Variants in ADAM17 observed in about 807,000 individuals in gnomAD.
The protein encoded by ADAM17 is disintegrin and metalloproteinase domain-containing protein 17.
In ADAM17, 39 loss-of-function variants were observed where a neutral mutation model predicts 96.7. That is an observed-to-expected ratio of 0.40 (90% CI 0.31 to 0.53). ADAM17 has a LOEUF of 0.53. Ranked by LOEUF, ADAM17 falls within the 20% of genes least tolerant of loss-of-function variation. The probability of loss-of-function intolerance (pLI) is 0.44; values close to 1 mark genes in which losing one functional copy is unlikely to be tolerated. For synonymous variants in ADAM17, 344 were observed against 359.2 expected, an observed-to-expected ratio of 0.96 and a Z score of 0.48; for missense variants, 777 against 1,013.2, an observed-to-expected ratio of 0.77 and a Z score of 3.17.
chr2:9,490,651 G>T, intron 18 of ADAM17, 133 bp from the exon 19 acceptor site: 2 of 949,736 alleles, frequency 2.1e-6, no homozygotes, highest in East Asian at 2.6e-5. Context: ...TGCTAGGTGA[G>T]GCTCACTCAA....
At chr2:9,512,330 A>G (rs1317450613) in intron 10 of ADAM17, 1 of 152,162 alleles carries the variant, frequency 6.6e-6, no homozygotes, top group African/African-American at 2.4e-5. Context: ...AAAGTTCTGG[A>G]AGACCAAAGA....
chr2:9,519,166 T>C (rs1296820874), intron 8 of ADAM17, among the ~76,000 whole-genome samples: 2 of 152,188 alleles, frequency 1.3e-5, no homozygotes, highest in African/African-American at 2.4e-5. Context: ...CCCAAAGTGC[T>C]GGGATTACAG....
At chr2:9,506,617 G>A (rs532362995) in intron 11 of ADAM17, among the ~76,000 whole-genome samples, 2 of 152,074 alleles carry the variant, frequency 1.3e-5, no homozygotes, top group South Asian at 2.1e-4. Context: ...TGCCCACCTC[G>A]GTCTCCAAAG....
chr2:9,489,988 T>TC lies in ADAM17; in HGVS notation c.*188dup. The stretch of plus-strand genomic sequence containing the variant: ...GCCTCAAAATAAGCTAGATTCACCT[T>TC]CACCTTACCTTTTCAAAAGGAGAAG... On this transcript the variant is annotated 3_prime_UTR_variant, in exon 19 of 19. Coordinates refer to ENST00000310823, the MANE Select transcript of ADAM17 (RefSeq NM_003183.6). 1 of 533,406 alleles carries TC rather than the reference T, an allele frequency of 1.9e-6. No individual in the cohort carries two copies. The highest frequency in any genetic ancestry group is 3.8e-5 in the South Asian group (1 of 26,424). 33.0% of individuals were successfully genotyped at this position (533,406 alleles called of 1,614,324 possible).
chr2:9,509,237 A>C (rs1213070541), intron 11 of ADAM17, among the ~76,000 whole-genome samples: 2 of 152,236 alleles, frequency 1.3e-5, no homozygotes, highest in Admixed American at 1.3e-4. Context: ...CAGCAGTGCA[A>C]CTATTGTTTT....
At chr2:9,523,901 G>A (rs963628766) in intron 6 of ADAM17, among the ~76,000 whole-genome samples, 9 of 150,490 alleles carry the variant, frequency 6.0e-5, no homozygotes, top group African/African-American at 2.2e-4. Flanking sequence ...CAAGAGACAA[G>A]GTCTTGCTCT....
At chr2:9,523,019 C>T (rs1477001075) in intron 7 of ADAM17, among the ~76,000 whole-genome samples, 1 of 152,140 alleles carries the variant, frequency 6.6e-6, no homozygotes, top group African/African-American at 2.4e-5. Flanking sequence ...GAACAAAGCA[C>T]AGCAGCATAA....
rs1234369493 is a variant in ADAM17, at chr2:9,520,988, G to GAAA, written c.957+214_957+215insTTT. Among the ~76,000 whole-genome samples, 69 of 112,074 alleles carry GAAA rather than the reference G, an allele frequency of 6.2e-4. 3 individuals carry two copies. Among genetic ancestry groups the GAAA allele is most frequent in the African/African-American group, 1.1e-3 (33 of 30,414 alleles). 73.5% of individuals were successfully genotyped at this position (112,074 alleles called of 152,430 possible). ...TCAAAAAAAAAAAAAAAAAAAAAAG[G>GAAA]AAGCATTGCTTTATAGCGTTTTTCT... On this transcript the variant is annotated intron_variant, in intron 8 of 18. Transcript: ENST00000310823.
At chr2:9,555,370 CCTT>C (rs1665709265) in intron 1 of ADAM17, 136 bp downstream of exon 1, 1 of 642,910 alleles carries the variant, frequency 1.6e-6, no homozygotes, top group Non-Finnish European at 2.5e-6. Flanking sequence ...AGCCACACCC[CCTT>C]CTACACTGAA....
At chr2:9,503,118 C>T (rs562341470) in intron 12 of ADAM17, among the ~76,000 whole-genome samples, 8 of 123,692 alleles carry the variant, frequency 6.5e-5, no homozygotes, top group African/African-American at 2.6e-4. Context: ...CCAGCCTGGT[C>T]AACAGGGCGA....
At chr2:9,523,890 T>G (rs909100117) in intron 6 of ADAM17, among the ~76,000 whole-genome samples, 6 of 151,892 alleles carry the variant, frequency 4.0e-5, no homozygotes, top group Admixed American at 2.6e-4. Context: ...TTTTTTTTTT[T>G]CAAGAGACAA....
rs529946053 is a variant in ADAM17, at chr2:9,510,196, G to T, written c.1192-65C>A. The T allele has an allele frequency of 4.6e-5, 72 of 1,564,710 alleles. No individual in the cohort carries two copies. In the South Asian group the frequency reaches 7.7e-4, roughly 17 times the overall value. ...CAGCCATCACCTACTTCTGCCAGTT[G>T]GGCCTATGCTGTCTTAAATAGAGCC... On this transcript the variant is annotated intron_variant, in intron 10 of 18. Transcript: ENST00000310823.
chr2:9,492,696 A>G (rs1367364561), intron 17 of ADAM17, among the ~76,000 whole-genome samples: 2 of 152,202 alleles, frequency 1.3e-5, no homozygotes, highest in Non-Finnish European at 2.9e-5. Context: ...ACACCAACAC[A>G]CAAAAATAGT....
rs536007590 is a variant in ADAM17, at chr2:9,547,464, G to T, written c.98-4179C>A. On this transcript the variant is annotated intron_variant, in intron 1 of 18. Transcript: ENST00000310823. ...CATGATCCCTGCCTGCTGAGTCAAAGATGTTTTCCCAGGGAAACGGTTTTG... is the reference window on the plus strand; with the variant it reads ...CATGATCCCTGCCTGCTGAGTCAAATATGTTTTCCCAGGGAAACGGTTTTG... Among the ~76,000 whole-genome samples the T allele has an allele frequency of 7.5e-4, 114 of 152,286 alleles. 1 individual carries two copies. In the South Asian group the frequency reaches 0.023, roughly 31 times the overall value.
At chr2:9,547,712 C>G (rs1419922738) in intron 1 of ADAM17, among the ~76,000 whole-genome samples, 3 of 152,024 alleles carry the variant, frequency 2.0e-5, no homozygotes, top group Non-Finnish European at 4.4e-5. Context: ...GGAAGGAAAT[C>G]AGGGATTCTG....
intron 11 of ADAM17, 141 bp from the exon 12 acceptor site, chr2:9,505,506 C>CA (rs1171371389): frequency 1.3e-6 from 1 of 784,516 alleles, no homozygotes; most frequent in Non-Finnish European, 2.1e-6. Context: ...AAGGCCACCA[C>CA]AGTCTCCTCC....
At chr2:9,513,062 T>C (rs1324844965) in intron 10 of ADAM17, among the ~76,000 whole-genome samples, 1 of 152,128 alleles carries the variant, frequency 6.6e-6, no homozygotes, top group East Asian at 1.9e-4. Context: ...TGGCGCAATC[T>C]CAGCTCACTG....
chr2:9,515,566 A>G (rs576935256), intron 10 of ADAM17, among the ~76,000 whole-genome samples: 1 of 151,950 alleles, frequency 6.6e-6, no homozygotes, highest in South Asian at 2.1e-4. Context: ...GTGAAACCCC[A>G]TCTCTACTAA....
At chr2:9,554,211 G>A (rs1173338563) in intron 1 of ADAM17, among the ~76,000 whole-genome samples, 2 of 152,210 alleles carry the variant, frequency 1.3e-5, no homozygotes, top group East Asian at 3.8e-4. Context: ...AAGTGAAACA[G>A]TTGTGTCAGG....
Sources: allele counts gnomAD v4.1 joint callset (sites outside exome capture counted in the v4.1 genomes callset), GRCh38; gene constraint gnomAD v4.1.1; transcripts MANE v1.5; gene names NCBI Gene and HGNC (gene_info 2026-07-23, HGNC 2026-07-21).